Variants in MPHOSPH9 observed in about 807,000 individuals in gnomAD.
MPHOSPH9 encodes the protein M-phase phosphoprotein 9.
In MPHOSPH9, 88 loss-of-function variants were observed where a neutral mutation model predicts 145.5. The observed-to-expected ratio is 0.60, with a 90% CI of 0.51 to 0.72. The LOEUF is 0.72. Among genes scored for constraint, MPHOSPH9 ranks in the 30% least tolerant of loss-of-function variants. The pLI is 0.00. For missense variants in MPHOSPH9, 1,238 were observed against 1,386.6 expected (o/e 0.89, Z 1.70); for synonymous variants, 435 against 486.2 (o/e 0.89, Z 1.39).
At position 123,231,432 on chromosome 12, in the gene MPHOSPH9, C is replaced by T. The variant is rs537164071; in HGVS notation, c.-158-910G>A. Among the ~76,000 whole-genome samples the T allele has an allele frequency of 3.3e-5, 5 of 152,200 alleles. No homozygotes were observed. The South Asian group carries it at 1.0e-3, about 32-fold the overall frequency. On this transcript the variant is annotated intron_variant, in intron 1 of 23. Coordinates refer to ENST00000606320, the MANE Select transcript of MPHOSPH9 (RefSeq NM_022782.4). Reference sequence around the variant, plus strand: ...AATATTTAATTTGTATTAAAAAGAGCCAATTAAACTGTTAACAACCATAGC... The same window carrying T: ...AATATTTAATTTGTATTAAAAAGAGTCAATTAAACTGTTAACAACCATAGC...
Position 123,160,832 on chromosome 12 carries a change from G to A in MPHOSPH9, c.3399C>T (p.Ser1133=), listed in dbSNP as rs1453104784. 38 of 1,613,836 alleles carry A rather than the reference G, an allele frequency of 2.4e-5. No homozygotes were observed. The highest frequency in any genetic ancestry group is 3.2e-5 in the Non-Finnish European group (38 of 1,179,936). The part of the protein sequence containing the change: ...KEKDQIEAAL[S]RMPSPGGRIT... ...TTCGTCCTCCAGGAGAAGGCATCCTGCTTAGTGCTGCCTCAATCTGTTAAC... is the reference window on the plus strand; with the variant it reads ...TTCGTCCTCCAGGAGAAGGCATCCTACTTAGTGCTGCCTCAATCTGTTAAC... The change falls in exon 23 of 24, where the codon AGC becomes AGT. Residue 1133 remains serine (S), a synonymous_variant. Transcript: ENST00000606320.
At chr12:123,203,998 T>A (rs1240991459) in intron 8 of MPHOSPH9, among the ~76,000 whole-genome samples, 1 of 152,004 alleles carries the variant, frequency 6.6e-6, no homozygotes, top group Non-Finnish European at 1.5e-5. Flanking sequence ...ATAGCCAAGT[T>A]TTGAGGTAAG....
rs1297796032 is a variant in MPHOSPH9, at chr12:123,203,138, T to C, written c.1321-54A>G. 6 of 1,587,138 alleles carry C rather than the reference T, an allele frequency of 3.8e-6. No homozygotes were observed. The Admixed American group carries it at 7.2e-5, about 19-fold the overall frequency. Reference sequence around the variant, plus strand: ...CCCTCAGAACTCGGCTTTGTTTTGCTTGTTTTGAAGTGAGTAGGCTTTAGA... The same window carrying C: ...CCCTCAGAACTCGGCTTTGTTTTGCCTGTTTTGAAGTGAGTAGGCTTTAGA... On this transcript the variant is annotated intron_variant, in intron 9 of 23. Transcript: ENST00000606320.
At chr12:123,197,191 AT>A (rs1001183690) in intron 12 of MPHOSPH9, among the ~76,000 whole-genome samples, 3 of 150,770 alleles carry the variant, frequency 2.0e-5, no homozygotes, top group African/African-American at 2.4e-5. Flanking sequence ...TTAAAAAAAA[AT>A]TTTTTTTTGA....
chr12:123,165,383 T>C lies in MPHOSPH9; in HGVS notation c.2686A>G (p.Met896Val), dbSNP rs770800594. 5.6e-6 allele frequency: 9 copies of C among 1,613,916 alleles called. No individual in the cohort carries two copies. The highest frequency in any genetic ancestry group is 3.3e-5 in the Admixed American group (2 of 59,998). Residue 896 changes from methionine (M) to valine (V), a missense_variant, in exon 18 of 24, where the codon ATG (methionine) becomes GTG (valine). Physicochemically the swap from Met to Val is conservative, Grantham distance 21. Transcript: ENST00000606320. ...TCATCAAGTTCTTTTAAAGCTCTCA[T>C]GATCGGCGTGTCTGAAGTCTCTCTT... ...KQRETSDTPI[M>V]RALKELDEGK...
upstream of MPHOSPH9, among the ~76,000 whole-genome samples, chr12:123,236,864 G>A (rs1360670627): frequency 6.6e-6 from 1 of 150,574 alleles, no homozygotes; most frequent in Non-Finnish European, 1.5e-5. Context: ...CGGGCGGATC[G>A]CCTGAGGTCA....
At chr12:123,160,211 A>C (rs1159518170) in intron 23 of MPHOSPH9, 1 of 152,362 alleles carries the variant, frequency 6.6e-6, no homozygotes, top group Non-Finnish European at 1.5e-5. Flanking sequence ...AAAAAGACAA[A>C]GTCAGAAAAA....
In MPHOSPH9 at chr12:123,221,641, G is replaced by C; in HGVS notation, c.603C>G (p.Thr201=). The C allele has an allele frequency of 1.1e-5, 17 of 1,614,156 alleles. No individual in the cohort carries two copies. Among genetic ancestry groups the C allele is most frequent in the Non-Finnish European group, 1.4e-5 (17 of 1,180,024 alleles). The change falls in exon 5 of 24, where the codon ACC becomes ACG. Residue 201 remains threonine (T), a synonymous_variant. Coordinates refer to ENST00000606320, the MANE Select transcript of MPHOSPH9 (RefSeq NM_022782.4). ...DSCSVSSGYG[T]FCISELNLYK... ...ACAGATTTAATTCTGAGATACAAAA[G>C]GTGCCATATCCACTGCTTACTGAGC...
Position 123,229,821 on chromosome 12 carries a change from A to ATTTT in MPHOSPH9, c.104+436_104+439dup, listed in dbSNP as rs370919298. Among the ~76,000 whole-genome samples, 90 of 135,778 alleles carry ATTTT rather than the reference A, an allele frequency of 6.6e-4. 1 individual carries two copies. The highest frequency in any genetic ancestry group is 5.5e-3 in the South Asian group (24 of 4,342). 89.1% of individuals were successfully genotyped at this position (135,778 alleles called of 152,430 possible). Reference sequence around the variant, plus strand: ...CTGACTTAAACATCTGTCCCCGAACATTTTTTTTTTTTTTTTTTGAGACAG... The same window carrying ATTTT: ...CTGACTTAAACATCTGTCCCCGAACATTTTTTTTTTTTTTTTTTTTTTGAGACAG... On this transcript the variant is annotated intron_variant, in intron 2 of 23. Coordinates refer to ENST00000606320, the MANE Select transcript of MPHOSPH9 (RefSeq NM_022782.4).
intron 21 of MPHOSPH9, 119 bp from the exon 22 acceptor site, chr12:123,161,502 A>C: frequency 9.9e-7 from 1 of 1,007,360 alleles, no homozygotes; most frequent in Non-Finnish European, 1.5e-6. Flanking sequence ...GGCCCAAAAA[A>C]GTAATGAAAA....
At chr12:123,167,940 C>A (rs1471787863) in intron 16 of MPHOSPH9, among the ~76,000 whole-genome samples, 1 of 152,174 alleles carries the variant, frequency 6.6e-6, no homozygotes, top group Admixed American at 6.5e-5. Flanking sequence ...CTCAGCCAGC[C>A]ACCTCAGAGG....
In MPHOSPH9 at chr12:123,221,473, A is replaced by G. The variant is rs141532498; in HGVS notation, c.771T>C (p.His257=). ...TGGATACATCTTCCTTTAAAGACAC[A>G]TGACACTCTTCAGGAGTCTGTATAT... ...NFYIQTPEEC[H]VSLKEDVSIS... The change falls in exon 5 of 24, where the codon CAT becomes CAC. Residue 257 remains histidine (H), a synonymous_variant. Coordinates refer to ENST00000606320, the MANE Select transcript of MPHOSPH9 (RefSeq NM_022782.4). 1.6e-4 allele frequency: 258 copies of G among 1,613,824 alleles called. 1 individual carries two copies. The African/African-American group carries it at 2.8e-3, about 17-fold the overall frequency.
chr12:123,217,322 C>T (rs2682432), intron 6 of MPHOSPH9, among the ~76,000 whole-genome samples: 23,199 of 151,704 alleles, frequency 0.15, 5,377 homozygotes, highest in African/African-American at 0.5. Flanking sequence ...CTCAGCCTCC[C>T]GAGTAGCTGG....
chr12:123,238,726 TG>T (rs2047888249), intron 1 of MPHOSPH9, among the ~76,000 whole-genome samples: 1 of 152,208 alleles, frequency 6.6e-6, no homozygotes, highest in South Asian at 2.1e-4. Flanking sequence ...CTGCATCACC[TG>T]AGGATCTTGT....
chr12:123,160,476 T>C (rs1321687766), intron 23 of MPHOSPH9: 3 of 293,724 alleles, frequency 1.0e-5, no homozygotes, highest in African/African-American at 4.4e-5. Context: ...CTGTGAGCAC[T>C]AACTTAGTGT....
rs1253632910 is a variant in MPHOSPH9 at position 123,221,672 on chromosome 12, T to A, written c.572A>T (p.Asp191Val). ...MSTSQPDCNV[D>V]SCSVSSGYGT... ...ATATCCACTGCTTACTGAGCAACTA[T>A]CCACATTGCAGTCTGGTTGTGACGT... The change falls in exon 5 of 24, where the codon GAT becomes GTT. Residue 191 changes from aspartate to valine, a missense_variant. By Grantham distance (152) the Asp-to-Val change is radical. Coordinates refer to ENST00000606320, the MANE Select transcript of MPHOSPH9 (RefSeq NM_022782.4). The A allele has an allele frequency of 1.9e-6, 3 of 1,614,028 alleles. No homozygotes were observed. The highest frequency in any genetic ancestry group is 2.5e-6 in the Non-Finnish European group (3 of 1,180,014).
chr12:123,190,891 T>C (rs541939554), intron 13 of MPHOSPH9, among the ~76,000 whole-genome samples: 1 of 152,338 alleles, frequency 6.6e-6, no homozygotes, highest in African/African-American at 2.4e-5. Flanking sequence ...TGAAATGTTG[T>C]ATATGATAAA....
intron 16 of MPHOSPH9, among the ~76,000 whole-genome samples, chr12:123,176,119 T>G (rs1401464871): frequency 6.6e-6 from 1 of 152,108 alleles, no homozygotes; most frequent in African/African-American, 2.4e-5. Context: ...CATTATAAAG[T>G]TATTATTTAC....
intron 1 of MPHOSPH9, among the ~76,000 whole-genome samples, chr12:123,240,181 C>T (rs1419236531): frequency 3.5e-5 from 5 of 143,380 alleles, no homozygotes; most frequent in Admixed American, 2.2e-4. Flanking sequence ...CTGACCAACA[C>T]GGTGAAACCC....
Sources: gnomAD v4.1 joint callset for allele counts (sites outside exome capture counted in the v4.1 genomes callset) on GRCh38, gnomAD v4.1.1 for gene constraint, MANE v1.5 for transcripts, NCBI Gene and HGNC (gene_info 2026-07-23, HGNC 2026-07-21) for gene names.